DNAH6: variants seen among roughly 807,000 people sequenced by gnomAD.
DNAH6 encodes axonemal beta dynein heavy chain 6.
In DNAH6, 340 loss-of-function variants were observed where a neutral mutation model predicts 491.4. The ratio of observed to expected loss-of-function variants is 0.69; its 90% CI spans 0.63 to 0.76. DNAH6 has a LOEUF of 0.76. Among genes scored for constraint, DNAH6 ranks in the 30% least tolerant of loss-of-function variants. DNAH6 has a pLI of 0.00. For synonymous variants in DNAH6, 1,603 were observed against 1,686.1 expected, an observed-to-expected ratio of 0.95 and a Z score of 1.21; for missense variants, 4,443 against 4,972.2, an observed-to-expected ratio of 0.89 and a Z score of 3.20.
the DNAH6 span, among the ~76,000 whole-genome samples, chr2:84,466,648 A>G: frequency 2.0e-5 from 3 of 152,230 alleles, no homozygotes; most frequent in Admixed American, 1.3e-4. Flanking sequence ...ATAGCTCTCT[A>G]TGAGAGTTCT....
the DNAH6 span, chr2:84,460,193 ATT>A: frequency 6.6e-6 from 1 of 152,212 alleles, no homozygotes; most frequent in East Asian, 1.9e-4. Flanking sequence ...TTAGGTAGTC[ATT>A]ATAATTGGCA....
At chr2:84,471,223 A>G in the DNAH6 span, among the ~76,000 whole-genome samples, 1 of 149,700 alleles carries the variant, frequency 6.7e-6, no homozygotes, top group Non-Finnish European at 1.5e-5. Flanking sequence ...TATTACTATC[A>G]TTATTACTAG....
At chr2:84,577,705 T>G (rs1021106077) in intron 13 of DNAH6, among the ~76,000 whole-genome samples, 4 of 152,010 alleles carry the variant, frequency 2.6e-5, no homozygotes, top group African/African-American at 7.2e-5. Flanking sequence ...CCATAACAGC[T>G]CAATATCCTA....
At chr2:84,479,710 G>T in the DNAH6 span, among the ~76,000 whole-genome samples, 1 of 152,190 alleles carries the variant, frequency 6.6e-6, no homozygotes, top group Non-Finnish European at 1.5e-5. Flanking sequence ...GAGAAAGTAG[G>T]GCCCTGGGGC....
chr2:84,812,495 A>G lies in DNAH6; in HGVS notation c.11894A>G (p.Lys3965Arg), dbSNP rs753385376. 18 of 1,551,630 alleles carry G rather than the reference A, an allele frequency of 1.2e-5. No individual in the cohort carries two copies. Among genetic ancestry groups the G allele is most frequent in the Non-Finnish European group, 2.6e-6 (3 of 1,146,972 alleles). ...CTGAAGCCACTAGGATCATGGGTCAAAGACCTTATCCTGAGGACCTCATTT... is the reference window on the plus strand; with the variant it reads ...CTGAAGCCACTAGGATCATGGGTCAGAGACCTTATCCTGAGGACCTCATTT... ...PSLKPLGSWV[K>R]DLILRTSFVD... The change falls in exon 73 of 77, where the codon AAA becomes AGA. Residue 3965 changes from lysine to arginine, a missense_variant. Coordinates refer to ENST00000389394, the MANE Select transcript of DNAH6 (RefSeq NM_001370.2).
chr2:84,697,038 TG>T (rs1695458934), intron 46 of DNAH6, among the ~76,000 whole-genome samples: 1 of 152,204 alleles, frequency 6.6e-6, no homozygotes, highest in South Asian at 2.1e-4. Context: ...ACACTTGAAT[TG>T]AATGAGAAAT....
chr2:84,674,575 C>T (rs775676281), intron 40 of DNAH6, among the ~76,000 whole-genome samples: 4 of 152,220 alleles, frequency 2.6e-5, no homozygotes, highest in South Asian at 2.1e-4. Flanking sequence ...CAGGGAGCCC[C>T]GGATGCAAGA....
chr2:84,672,084 C>T (rs1323739819), intron 39 of DNAH6, among the ~76,000 whole-genome samples: 1 of 152,170 alleles, frequency 6.6e-6, no homozygotes, highest in African/African-American at 2.4e-5. Context: ...CCATCTTGTG[C>T]CCTGACAGTG....
intron 59 of DNAH6, among the ~76,000 whole-genome samples, chr2:84,719,895 C>A (rs530269497): frequency 7.3e-6 from 1 of 137,112 alleles, no homozygotes; most frequent in Non-Finnish European, 1.6e-5. Context: ...CACACACACA[C>A]ACAGACACAC....
intron 19 of DNAH6, 81 bp from the exon 20 acceptor site, chr2:84,605,419 T>C: frequency 5.1e-6 from 5 of 987,424 alleles, no homozygotes; most frequent in Non-Finnish European, 7.7e-6. Context: ...ATGGAGTTTT[T>C]ATTTATTTCA....
intron 68 of DNAH6, among the ~76,000 whole-genome samples, chr2:84,790,829 C>T (rs570079572): frequency 2.2e-4 from 34 of 152,238 alleles, no homozygotes; most frequent in African/African-American, 7.5e-4. Context: ...AATAAAGTTG[C>T]CATATGACTT....
intron 64 of DNAH6, among the ~76,000 whole-genome samples, chr2:84,772,015 AAT>A (rs200684989): frequency 0.011 from 1,736 of 152,288 alleles, 35 homozygotes; most frequent in African/African-American, 0.04. Flanking sequence ...AATAATTATA[AAT>A]ATATGTTGGT....
intron 42 of DNAH6, 63 bp downstream of exon 42, chr2:84,681,591 TATCTC>T (rs929887553): frequency 3.6e-6 from 5 of 1,394,452 alleles, no homozygotes; most frequent in Non-Finnish European, 4.7e-6. Context: ...GGCCCCCAAA[TATCTC>T]AGTAACATTG....
intron 32 of DNAH6, among the ~76,000 whole-genome samples, chr2:84,641,368 G>C (rs1397370379): frequency 1.3e-5 from 2 of 152,114 alleles, no homozygotes; most frequent in Non-Finnish European, 2.9e-5. Context: ...CCTCTTTACA[G>C]GATGGCCATT....
At chr2:84,655,030 T>G (rs79207491) in intron 35 of DNAH6, among the ~76,000 whole-genome samples, 16,748 of 152,038 alleles carry the variant, frequency 0.11, 986 homozygotes, top group Middle Eastern at 0.21. Context: ...CTATTCTGCC[T>G]GGCTTCTCCC....
intron 2 of DNAH6, among the ~76,000 whole-genome samples, chr2:84,521,844 G>C (rs1031063332): frequency 6.6e-6 from 1 of 152,050 alleles, no homozygotes; most frequent in Non-Finnish European, 1.5e-5. Context: ...GTCTGTTTTT[G>C]TACCAGTACC....
chr2:84,707,078 G>T, intron 53 of DNAH6, 59 bp downstream of exon 53: 1 of 1,472,914 alleles, frequency 6.8e-7, no homozygotes, highest in Non-Finnish European at 8.9e-7. Context: ...GAAGTAGGAA[G>T]AAGTTTTTGG....
chr2:84,705,308 T>C (rs1696320343), intron 51 of DNAH6, among the ~76,000 whole-genome samples, 178 bp from the exon 52 acceptor site: 1 of 152,226 alleles, frequency 6.6e-6, no homozygotes, highest in African/African-American at 2.4e-5. Context: ...TCACCCATTT[T>C]CTTTTCGCCC....
chr2:84,559,188 C>T (rs1169049229), intron 11 of DNAH6, among the ~76,000 whole-genome samples: 2 of 152,122 alleles, frequency 1.3e-5, no homozygotes, highest in Admixed American at 1.3e-4. Flanking sequence ...CAGAAAGAAG[C>T]CCATCCTACA....
Sources: gnomAD v4.1 joint callset for allele counts (sites outside exome capture counted in the v4.1 genomes callset) on GRCh38, gnomAD v4.1.1 for gene constraint, MANE v1.5 for transcripts, NCBI Gene and HGNC (gene_info 2026-07-23, HGNC 2026-07-21) for gene names.